Variants in ZNF846 observed in about 807,000 individuals in gnomAD.
ZNF846 encodes the protein zinc finger protein 846.
ZNF846 carries 15 observed loss-of-function variants against 16.0 expected under a neutral mutation model. The ratio of observed to expected loss-of-function variants is 0.94; its 90% confidence interval spans 0.63 to 1.45. The LOEUF (loss-of-function observed/expected upper bound fraction) is 1.45, where lower values mean the gene tolerates loss of function less well. Ranked by LOEUF, ZNF846 falls within the 40% of genes most tolerant of loss-of-function variation. The pLI is 0.00. For synonymous variants in ZNF846, 229 were observed against 212.0 expected (o/e 1.08, Z -0.70); for missense variants, 714 against 622.3 (o/e 1.15, Z -1.57).
chr19:9,753,257 T>TTTAC (rs146910608), downstream of ZNF846, among the ~76,000 whole-genome samples: 1 of 149,620 alleles, frequency 6.7e-6, no homozygotes, highest in Non-Finnish European at 1.5e-5. Flanking sequence ...TATTTATTTA[T>TTTAC]TTATTTATTT....
At chr19:9,774,680 C>T (rs2045419847) in intron 1 of ZNF846, 2 of 1,472,378 alleles carry the variant, frequency 1.4e-6, no homozygotes, top group Admixed American at 3.4e-5. Context: ...AGCAGAGTAT[C>T]CATTCAAACT....
At chr19:9,779,336 A>G (rs1395086548) in intron 1 of ZNF846, among the ~76,000 whole-genome samples, 7 of 149,170 alleles carry the variant, frequency 4.7e-5, no homozygotes, top group African/African-American at 1.2e-4. Context: ...TAACACGATC[A>G]TGGCTTACCG....
chr19:9,753,063 G>A (rs972661407), downstream of ZNF846, among the ~76,000 whole-genome samples: 2 of 151,540 alleles, frequency 1.3e-5, no homozygotes, highest in Admixed American at 1.3e-4. Context: ...ACCAAATACA[G>A]TAGAAGTGGC....
downstream of ZNF846, chr19:9,756,885 G>A (rs938863633): frequency 6.8e-6 from 1 of 146,046 alleles, no homozygotes; most frequent in African/African-American, 2.5e-5. Context: ...GGCTTTTACA[G>A]TAATTTTTGT....
intron 2 of ZNF846, among the ~76,000 whole-genome samples, chr19:9,763,786 T>C (rs562016923): frequency 1.3e-5 from 2 of 152,334 alleles, no homozygotes; most frequent in South Asian, 2.1e-4. Flanking sequence ...CAATCTGTCA[T>C]AACACTCAGC....
At chr19:9,751,838 A>G (rs1313663042), downstream of ZNF846, among the ~76,000 whole-genome samples, 1 of 152,154 alleles carries the variant, frequency 6.6e-6, no homozygotes, top group African/African-American at 2.4e-5. Context: ...TCCCAAACCT[A>G]TAAGACCAAT....
chr19:9,757,631 T>C (rs1478467907), exon 6 of ZNF846: 1 of 1,613,640 alleles, frequency 6.2e-7, no homozygotes, highest in Non-Finnish European at 8.5e-7. Flanking sequence ...CTTTCCCACA[T>C]TCTTTACATG....
At chr19:9,763,844 A>T (rs2045270238) in intron 2 of ZNF846, among the ~76,000 whole-genome samples, 1 of 152,244 alleles carries the variant, frequency 6.6e-6, no homozygotes, top group African/African-American at 2.4e-5. Context: ...AGAATTAGTA[A>T]ACATTGAGAT....
At chr19:9,762,524 G>C (rs2045247417) in intron 3 of ZNF846, 1 of 183,266 alleles carries the variant, frequency 5.5e-6, no homozygotes, top group South Asian at 1.1e-4. Context: ...TGTGGTCCCA[G>C]CTACTCAGAA....
At chr19:9,751,285 C>T (rs183231002), downstream of ZNF846, among the ~76,000 whole-genome samples, 10 of 152,262 alleles carry the variant, frequency 6.6e-5, no homozygotes, top group East Asian at 3.9e-4. Context: ...CCCACACCAC[C>T]GCTAATCCTG....
At chr19:9,774,268 A>G (rs1184381562) in intron 1 of ZNF846, among the ~76,000 whole-genome samples, 1 of 152,056 alleles carries the variant, frequency 6.6e-6, no homozygotes, top group African/African-American at 2.4e-5. Context: ...GGAGATAGAG[A>G]CCACCCTGGC....
chr19:9,764,837 A>G lies in ZNF846; in HGVS notation c.15+99T>C, dbSNP rs1317848050. On this transcript the variant is annotated intron_variant, in intron 2 of 5. Transcript: ENST00000397902. ...GGGGAGTTATTTCCTGAGCAGGACC[A>G]TCATTTCTTTAAGATGCTTGAATAC... 5.7e-6 allele frequency: 8 copies of G among 1,408,294 alleles called. No individual in the cohort carries two copies. In the Admixed American group the frequency reaches 1.2e-4, roughly 21 times the overall value. The allele number at this position is 1,408,294 out of a possible 1,614,324, so 87.2% of individuals were successfully genotyped here.
intron 1 of ZNF846, among the ~76,000 whole-genome samples, chr19:9,782,789 T>C (rs1417897420): frequency 1.3e-5 from 2 of 152,240 alleles, no homozygotes; most frequent in Non-Finnish European, 2.9e-5. Context: ...TTTGGTTAAA[T>C]AGGACACCAT....
chr19:9,758,607 T>A, exon 6 of ZNF846: 1 of 1,613,034 alleles, frequency 6.2e-7, no homozygotes, highest in Non-Finnish European at 8.5e-7. Context: ...GTAAAAACTA[T>A]GAGGAAAGTT....
At chr19:9,767,427 G>A (rs936091295) in intron 1 of ZNF846, among the ~76,000 whole-genome samples, 6 of 120,332 alleles carry the variant, frequency 5.0e-5, no homozygotes, top group Non-Finnish European at 1.1e-4. Context: ...TTAAGTTACC[G>A]CACCCGGCCA....
At chr19:9,775,074 C>G (rs2045425204) in intron 1 of ZNF846, 2 of 896,732 alleles carry the variant, frequency 2.2e-6, no homozygotes, top group East Asian at 5.1e-5. Flanking sequence ...CTGACATTCA[C>G]TTGTGGCAGT....
chr19:9,754,334 G>T (rs2045113073), downstream of ZNF846, among the ~76,000 whole-genome samples: 1 of 151,362 alleles, frequency 6.6e-6, no homozygotes, highest in Non-Finnish European at 1.5e-5. Flanking sequence ...GGAGGCTGAG[G>T]TGAGCAGATC....
downstream of ZNF846, among the ~76,000 whole-genome samples, chr19:9,754,564 T>TAAAAAAAA (rs545236944): frequency 2.8e-3 from 252 of 88,654 alleles, 1 homozygote; most frequent in African/African-American, 0.012. Flanking sequence ...GACTCTGTCT[T>TAAAAAAAA]AAAAAAAAAA....
downstream of ZNF846, chr19:9,756,381 A>G (rs940016142): frequency 2.9e-5 from 4 of 138,084 alleles, no homozygotes; most frequent in Admixed American, 7.3e-5. Flanking sequence ...ATATATATAT[A>G]TATAAAGACA....
Sources: gnomAD v4.1 joint callset for allele counts (sites outside exome capture counted in the v4.1 genomes callset) on GRCh38, gnomAD v4.1.1 for gene constraint, MANE v1.5 for transcripts, NCBI Gene and HGNC (gene_info 2026-07-23, HGNC 2026-07-21) for gene names.